Variants in CES5A observed in about 807,000 individuals in gnomAD.
The protein encoded by CES5A is carboxylesterase 5A.
CES5A carries 67 observed loss-of-function variants against 62.9 expected under a neutral mutation model. The observed-to-expected ratio is 1.07, with a 90% CI of 0.88 to 1.31. The LOEUF (loss-of-function observed/expected upper bound fraction) is 1.31. Among genes scored for constraint, CES5A ranks in the 50% most tolerant of loss-of-function variants. CES5A has a pLI of 0.00. For synonymous variants in CES5A, 296 were observed against 280.8 expected, an observed-to-expected ratio of 1.05 and a Z score of -0.54; for missense variants, 748 against 708.5, an observed-to-expected ratio of 1.06 and a Z score of -0.63.
chr16:55,872,624 T>C (rs2033614717), intron 2 of CES5A, among the ~76,000 whole-genome samples: 1 of 152,218 alleles, frequency 6.6e-6, no homozygotes, highest in Admixed American at 6.5e-5. Flanking sequence ...CAATTCTTAA[T>C]AGAATAGTGT....
At chr16:55,871,870 A>AG in intron 2 of CES5A, 107 bp from the exon 3 acceptor site, 2 of 1,175,992 alleles carry the variant, frequency 1.7e-6, no homozygotes, top group Non-Finnish European at 2.4e-6. Context: ...CCTCTGCCTG[A>AG]GCAGAAGAGG....
chr16:55,863,591 G>T (rs1473236507), intron 5 of CES5A, 139 bp from the exon 6 acceptor site: 2 of 617,168 alleles, frequency 3.2e-6, no homozygotes, highest in African/African-American at 1.8e-5. Flanking sequence ...CTGGTTTAGG[G>T]GTTAAAGGAC....
intron 2 of CES5A, among the ~76,000 whole-genome samples, chr16:55,938,823 C>CAT (rs1298781112): frequency 0.013 from 1,147 of 91,384 alleles, 47 homozygotes; most frequent in East Asian, 0.11. Context: ...TATACACACA[C>CAT]ATATATATAT....
intron 2 of CES5A, 96 bp from the exon 3 acceptor site, chr16:55,871,859 T>C (rs757227876): frequency 2.9e-5 from 38 of 1,327,572 alleles, no homozygotes; most frequent in Admixed American, 3.9e-5. Context: ...CCTGGCCGTC[T>C]CCTCTGCCTG....
At chr16:55,862,728 A>T (rs2033378100) in intron 6 of CES5A, among the ~76,000 whole-genome samples, 1 of 152,230 alleles carries the variant, frequency 6.6e-6, no homozygotes, top group Non-Finnish European at 1.5e-5. Flanking sequence ...CCAGTGCTTA[A>T]TTAATATGCA....
At position 55,874,019 on chromosome 16, in the gene CES5A, G is replaced by T. The variant is rs137860220; in HGVS notation, c.92C>A (p.Pro31Gln). ...CCATCCCAGCCTGGTGTTCCTCTGT[G>T]GCCCTTCAGCAGAAGGCCCTGCGGG... The part of the protein sequence containing the change: ...APTKGPSAEG[P>Q]QRNTRLGWIQ... The change falls in exon 2 of 13, where the codon CCA becomes CAA. Residue 31 changes from proline (P) to glutamine (Q), a missense_variant. Physicochemically the swap from Pro to Gln is moderately conservative, Grantham distance 76. Coordinates refer to ENST00000290567, the MANE Select transcript of CES5A (RefSeq NM_001143685.2). 1 of 1,606,632 alleles carries T rather than the reference G, an allele frequency of 6.2e-7. No homozygotes were observed. The highest frequency in any genetic ancestry group is 8.5e-7 in the Non-Finnish European group (1 of 1,177,172).
intron 1 of CES5A, among the ~76,000 whole-genome samples, chr16:55,896,798 G>T (rs1443699331): frequency 6.6e-6 from 1 of 152,206 alleles, no homozygotes; most frequent in Non-Finnish European, 1.5e-5. Flanking sequence ...ACTGCAAGGA[G>T]GGTTTAGCCT....
chr16:55,892,434 G>A (rs778806144), intron 1 of CES5A, among the ~76,000 whole-genome samples: 4 of 152,024 alleles, frequency 2.6e-5, no homozygotes, highest in Non-Finnish European at 4.4e-5. Flanking sequence ...ACAGGCCATG[G>A]TCACTCATTT....
chr16:55,917,541 A>C (rs1184098556), intron 1 of CES5A, among the ~76,000 whole-genome samples: 1 of 152,294 alleles, frequency 6.6e-6, no homozygotes, highest in African/African-American at 2.4e-5. Context: ...TCAGTTCCTC[A>C]CTGGCCATTG....
chr16:55,935,551 A>G (rs1323918879), intron 2 of CES5A, among the ~76,000 whole-genome samples: 3 of 152,208 alleles, frequency 2.0e-5, no homozygotes, highest in Non-Finnish European at 4.4e-5. Flanking sequence ...CATCCATCTT[A>G]GAATATGATT....
chr16:55,946,824 A>G (rs1438512815), intron 2 of CES5A, among the ~76,000 whole-genome samples: 1 of 152,208 alleles, frequency 6.6e-6, no homozygotes, highest in Non-Finnish European at 1.5e-5. Context: ...GGTTTGATCC[A>G]GGTACTCCAG....
upstream of CES5A, among the ~76,000 whole-genome samples, chr16:55,928,358 G>A (rs1407534269): frequency 6.6e-6 from 1 of 152,210 alleles, no homozygotes; most frequent in African/African-American, 2.4e-5. Flanking sequence ...ATAAGTGGGA[G>A]CTAAGCTATG....
At chr16:55,881,834 C>T (rs1422816756) in intron 1 of CES5A, among the ~76,000 whole-genome samples, 3 of 152,012 alleles carry the variant, frequency 2.0e-5, no homozygotes, top group African/African-American at 4.8e-5. Context: ...TCCCTAGTAT[C>T]GGTGTGAATG....
intron 8 of CES5A, among the ~76,000 whole-genome samples, chr16:55,859,325 G>A (rs12447965): frequency 0.33 from 50,102 of 152,108 alleles, 9,494 homozygotes; most frequent in African/African-American, 0.52. Flanking sequence ...TGTTTCTTCC[G>A]CCCTAAACCT....
intron 3 of CES5A, among the ~76,000 whole-genome samples, chr16:55,870,467 G>A (rs1299094215): frequency 6.6e-6 from 1 of 152,186 alleles, no homozygotes; most frequent in African/African-American, 2.4e-5. Context: ...TTGGGAGGTT[G>A]ACGTGGGTGG....
At chr16:55,850,694 A>G (rs186263999) in intron 10 of CES5A, among the ~76,000 whole-genome samples, 2 of 152,214 alleles carry the variant, frequency 1.3e-5, no homozygotes, top group East Asian at 3.8e-4. Flanking sequence ...ACATTCATAT[A>G]CAATTTTTGT....
chr16:55,872,334 C>T lies in CES5A; in HGVS notation c.279-571G>A, dbSNP rs118152253. Among the ~76,000 whole-genome samples the T allele has an allele frequency of 4.0e-3, 609 of 152,314 alleles. 28 individuals carry two copies. The East Asian group carries it at 0.082, about 20-fold the overall frequency. On this transcript the variant is annotated intron_variant, in intron 2 of 12. Transcript: ENST00000290567. Reference sequence around the variant, plus strand: ...CATTCTTCCCTTTGTTTTAGAGTCACTCCAACTTGCCACCTCCTCCCAGAA... The same window carrying T: ...CATTCTTCCCTTTGTTTTAGAGTCATTCCAACTTGCCACCTCCTCCCAGAA...
intron 1 of CES5A, among the ~76,000 whole-genome samples, chr16:55,896,689 G>T (rs1353272679): frequency 4.6e-5 from 7 of 152,204 alleles, no homozygotes; most frequent in Admixed American, 4.6e-4. Flanking sequence ...AATGGTAGAG[G>T]TTTCTCACTT....
intron 2 of CES5A, among the ~76,000 whole-genome samples, chr16:55,938,896 C>T (rs1402889785): frequency 6.8e-6 from 1 of 146,856 alleles, no homozygotes. Context: ...GAAACACCAA[C>T]TGATACTGGC....
Sources: gnomAD v4.1 joint callset for allele counts (sites outside exome capture counted in the v4.1 genomes callset) on GRCh38, gnomAD v4.1.1 for gene constraint, MANE v1.5 for transcripts, NCBI Gene and HGNC (gene_info 2026-07-23, HGNC 2026-07-21) for gene names.